Variants in PDE3B observed in about 807,000 individuals in gnomAD.
The protein encoded by PDE3B is phosphodiesterase 3B.
A neutral mutation model predicts 116.8 loss-of-function variants in PDE3B; 66 were observed. The observed-to-expected ratio is 0.56, with a 90% confidence interval of 0.46 to 0.69. The LOEUF (loss-of-function observed/expected upper bound fraction) is 0.69. Ranked by LOEUF, PDE3B falls within the 30% of genes least tolerant of loss-of-function variation. The pLI is 0.00. For missense variants in PDE3B, 1,384 were observed against 1,368.1 expected (o/e 1.01, Z -0.18); for synonymous variants, 595 against 533.6 (o/e 1.12, Z -1.59).
At chr11:14,685,087 T>C (rs970453451) in intron 1 of PDE3B, among the ~76,000 whole-genome samples, 5 of 152,178 alleles carry the variant, frequency 3.3e-5, no homozygotes, top group African/African-American at 1.2e-4. Context: ...AAGTATTAAT[T>C]TTGGGAACTG....
the PDE3B span, chr11:14,892,331 T>A: frequency 1.1e-6 from 1 of 900,336 alleles, no homozygotes; most frequent in Non-Finnish European, 1.7e-6. Context: ...ATTGGCTGAC[T>A]GAGTGAGCGC....
intron 7 of PDE3B, among the ~76,000 whole-genome samples, chr11:14,830,026 T>C (rs1451338063): frequency 1.3e-5 from 2 of 152,154 alleles, no homozygotes; most frequent in Non-Finnish European, 2.9e-5. Context: ...CTAAACATTA[T>C]ATTTTTAAGT....
At chr11:14,838,051 T>C in intron 11 of PDE3B, among the ~76,000 whole-genome samples, 1 of 151,926 alleles carries the variant, frequency 6.6e-6, no homozygotes, top group East Asian at 1.9e-4. Flanking sequence ...CGATCTCGGC[T>C]CAGTGCAAGC....
chr11:14,660,515 G>T (rs371095091), intron 1 of PDE3B, among the ~76,000 whole-genome samples: 3 of 151,762 alleles, frequency 2.0e-5, no homozygotes, highest in African/African-American at 7.2e-5. Flanking sequence ...TGTTGCCCAC[G>T]CTGGTCTTGA....
At chr11:14,887,656 GTC>G in the PDE3B span, 2 of 985,026 alleles carry the variant, frequency 2.0e-6, no homozygotes, top group Non-Finnish European at 1.2e-6. Context: ...TGATCTTCAA[GTC>G]TCTTTCCCTC....
At chr11:14,837,589 C>T (rs1363203220) in intron 11 of PDE3B, among the ~76,000 whole-genome samples, 1 of 152,178 alleles carries the variant, frequency 6.6e-6, no homozygotes, top group Non-Finnish European at 1.5e-5. Context: ...TTGGCAATGA[C>T]CTTAATGACC....
At chr11:14,743,251 A>G (rs554376180) in intron 1 of PDE3B, among the ~76,000 whole-genome samples, 29 of 152,144 alleles carry the variant, frequency 1.9e-4, no homozygotes, top group Middle Eastern at 6.8e-3. Flanking sequence ...TTTCAGAGAT[A>G]CCCTGCCCAG....
At chr11:14,730,746 A>G (rs941624696) in intron 1 of PDE3B, among the ~76,000 whole-genome samples, 1 of 152,214 alleles carries the variant, frequency 6.6e-6, no homozygotes, top group African/African-American at 2.4e-5. Context: ...TTCCCTAGAT[A>G]TATCCTTATC....
At chr11:14,855,933 G>C (rs949499236) in intron 12 of PDE3B, among the ~76,000 whole-genome samples, 5 of 152,182 alleles carry the variant, frequency 3.3e-5, no homozygotes, top group Admixed American at 2.6e-4. Flanking sequence ...TTCAGCAGAA[G>C]AAGGGTGGTA....
At chr11:14,806,727 C>T (rs1262826712) in intron 5 of PDE3B, among the ~76,000 whole-genome samples, 24 of 150,030 alleles carry the variant, frequency 1.6e-4, no homozygotes, top group African/African-American at 2.9e-4. Flanking sequence ...GGCGTAGTGG[C>T]GGGCGCCTGT....
the PDE3B span, chr11:14,885,823 G>C: frequency 6.2e-7 from 1 of 1,613,442 alleles, no homozygotes; most frequent in Non-Finnish European, 8.5e-7. Context: ...TGGTCTGTCT[G>C]CAAAAATTTC....
At chr11:14,834,448 T>A (rs1859992100) in intron 10 of PDE3B, among the ~76,000 whole-genome samples, 1 of 152,202 alleles carries the variant, frequency 6.6e-6, no homozygotes, top group Non-Finnish European at 1.5e-5. Context: ...TATGCCACAT[T>A]GCCTTTTCAC....
At chr11:14,857,169 G>C (rs1847867140) in intron 12 of PDE3B, among the ~76,000 whole-genome samples, 1 of 152,194 alleles carries the variant, frequency 6.6e-6, no homozygotes, top group Non-Finnish European at 1.5e-5. Flanking sequence ...ATTTGCTGTA[G>C]AGAGAAGGAT....
At chr11:14,645,892 A>C (rs1430266456) in intron 1 of PDE3B, among the ~76,000 whole-genome samples, 1 of 152,168 alleles carries the variant, frequency 6.6e-6, no homozygotes, top group Admixed American at 6.5e-5. Flanking sequence ...ACTATTATTG[A>C]GCATTTATGA....
chr11:14,712,141 G>C (rs975668243), intron 1 of PDE3B, among the ~76,000 whole-genome samples: 2 of 152,028 alleles, frequency 1.3e-5, no homozygotes, highest in Non-Finnish European at 1.5e-5. Flanking sequence ...ACTGGAGTGC[G>C]GTAATGCGAT....
intron 7 of PDE3B, among the ~76,000 whole-genome samples, chr11:14,822,224 AC>A (rs1486946372): frequency 6.6e-6 from 1 of 152,148 alleles, no homozygotes; most frequent in East Asian, 1.9e-4. Flanking sequence ...TTACAAAAAA[AC>A]AAACAAAACT....
intron 15 of PDE3B, among the ~76,000 whole-genome samples, 169 bp downstream of exon 15, chr11:14,867,927 G>T (rs1848077839): frequency 6.6e-6 from 1 of 152,090 alleles, no homozygotes; most frequent in Non-Finnish European, 1.5e-5. Context: ...TCAATTAGGG[G>T]TGCTAAATAT....
intron 12 of PDE3B, among the ~76,000 whole-genome samples, chr11:14,858,103 A>AT (rs1847882251): frequency 1.3e-5 from 2 of 152,218 alleles, no homozygotes; most frequent in Admixed American, 1.3e-4. Flanking sequence ...AATCTAGGCT[A>AT]TAGCTAATTT....
At chr11:14,729,960 G>GA (rs1856411241) in intron 1 of PDE3B, among the ~76,000 whole-genome samples, 1 of 152,132 alleles carries the variant, frequency 6.6e-6, no homozygotes, top group Non-Finnish European at 1.5e-5. Context: ...GAATCACTGA[G>GA]AGGGTTGTAG....
Sources: allele counts gnomAD v4.1 joint callset (sites outside exome capture counted in the v4.1 genomes callset), GRCh38; gene constraint gnomAD v4.1.1; transcripts MANE v1.5; gene names NCBI Gene and HGNC (gene_info 2026-07-23, HGNC 2026-07-21).